Variants in ADAMTS3 observed in about 807,000 individuals in gnomAD.
ADAMTS3 encodes the protein A disintegrin and metalloproteinase with thrombospondin motifs 3.
ADAMTS3 carries 73 observed loss-of-function variants against 129.0 expected under a neutral mutation model. The ratio of observed to expected loss-of-function variants is 0.57; its 90% CI spans 0.47 to 0.69. ADAMTS3 has a LOEUF of 0.69. ADAMTS3 is among the 30% of genes least tolerant of loss of function. ADAMTS3 has a pLI of 0.00. For synonymous variants in ADAMTS3, 477 were observed against 510.8 expected, an observed-to-expected ratio of 0.93 and a Z score of 0.89; for missense variants, 1,457 against 1,514.5, an observed-to-expected ratio of 0.96 and a Z score of 0.63.
chr4:72,367,944 T>C (rs1338776131), intron 4 of ADAMTS3, among the ~76,000 whole-genome samples: 17 of 152,158 alleles, frequency 1.1e-4, no homozygotes, highest in African/African-American at 4.1e-4. Context: ...TTTTAACTCT[T>C]TGGATGTTAT....
At chr4:72,525,800 A>C (rs1578762098) in intron 3 of ADAMTS3, among the ~76,000 whole-genome samples, 1 of 152,140 alleles carries the variant, frequency 6.6e-6, no homozygotes, top group African/African-American at 2.4e-5. Flanking sequence ...ATTTGATCTA[A>C]GCTAGACTCT....
At chr4:72,568,487 G>T (rs1199135069) in intron 1 of ADAMTS3, among the ~76,000 whole-genome samples, 5 of 152,020 alleles carry the variant, frequency 3.3e-5, no homozygotes, top group Non-Finnish European at 7.4e-5. Context: ...TCCCGGAGTG[G>T]GAGTCGTAAC....
At chr4:72,502,043 T>C (rs1356197739) in intron 3 of ADAMTS3, among the ~76,000 whole-genome samples, 2 of 152,166 alleles carry the variant, frequency 1.3e-5, no homozygotes, top group African/African-American at 2.4e-5. Context: ...TTTTTGCATC[T>C]ATGTTTAACA....
chr4:72,567,769 G>T (rs996107116), intron 1 of ADAMTS3, among the ~76,000 whole-genome samples: 2 of 152,244 alleles, frequency 1.3e-5, no homozygotes, highest in African/African-American at 2.4e-5. Context: ...TCAGATTTAA[G>T]GTCAGGAATC....
chr4:72,527,809 G>A (rs1352853491), intron 3 of ADAMTS3, among the ~76,000 whole-genome samples: 2 of 152,140 alleles, frequency 1.3e-5, no homozygotes, highest in Non-Finnish European at 2.9e-5. Flanking sequence ...CCAAGAGGAA[G>A]GAAGGACAGG....
chr4:72,549,995 G>A (rs1721582310), intron 2 of ADAMTS3, among the ~76,000 whole-genome samples: 1 of 6,566 alleles, frequency 1.5e-4, no homozygotes, highest in African/African-American at 7.9e-4. Context: ...AGAAGAAGAG[G>A]AAGAGGAAGA....
intron 3 of ADAMTS3, among the ~76,000 whole-genome samples, chr4:72,425,887 T>C (rs184180606): frequency 1.3e-5 from 2 of 151,926 alleles, no homozygotes; most frequent in Non-Finnish European, 2.9e-5. Flanking sequence ...TTTCTAGTTC[T>C]AGATCCCTGA....
intron 3 of ADAMTS3, among the ~76,000 whole-genome samples, chr4:72,467,229 T>C (rs976842906): frequency 6.6e-6 from 1 of 152,074 alleles, no homozygotes; most frequent in African/African-American, 2.4e-5. Context: ...TTCAAAATTA[T>C]ACCTATTGAT....
intron 3 of ADAMTS3, among the ~76,000 whole-genome samples, chr4:72,541,799 T>A (rs1295748379): frequency 6.6e-6 from 1 of 152,198 alleles, no homozygotes; most frequent in African/African-American, 2.4e-5. Flanking sequence ...TTGTGAGGCC[T>A]CCCTAGCCAT....
At position 72,535,121 on chromosome 4, in the gene ADAMTS3, T is replaced by G. The variant is rs78683831; in HGVS notation, c.504+13357A>C. Among the ~76,000 whole-genome samples, 354 of 152,240 alleles carry G rather than the reference T, an allele frequency of 2.3e-3. 1 individual carries two copies. The highest frequency in any genetic ancestry group is 8.1e-3 in the African/African-American group (335 of 41,542). On this transcript the variant is annotated intron_variant, in intron 3 of 21. Transcript: ENST00000286657. ...CTTTCTTGTCCAGGCAGCCAGTTAATACCATTCTCAGAGCCAGGTATGCAA... is the reference window on the plus strand; with the variant it reads ...CTTTCTTGTCCAGGCAGCCAGTTAAGACCATTCTCAGAGCCAGGTATGCAA...
chr4:72,561,662 G>A (rs1169294471), intron 2 of ADAMTS3, among the ~76,000 whole-genome samples: 1 of 152,146 alleles, frequency 6.6e-6, no homozygotes, highest in African/African-American at 2.4e-5. Flanking sequence ...AAGAAAAATT[G>A]TTGGAAATGT....
At chr4:72,326,434 A>G (rs1006361002) in intron 5 of ADAMTS3, among the ~76,000 whole-genome samples, 1 of 152,102 alleles carries the variant, frequency 6.6e-6, no homozygotes, top group South Asian at 2.1e-4. Context: ...CACATGGAGT[A>G]TGATAAGAGC....
At chr4:72,287,110 GC>G (rs2109766407) in intron 21 of ADAMTS3, among the ~76,000 whole-genome samples, 1 of 152,092 alleles carries the variant, frequency 6.6e-6, no homozygotes, top group Non-Finnish European at 1.5e-5. Flanking sequence ...TGCAATTCAT[GC>G]CCTTATAAAA....
chr4:72,451,964 C>G (rs1320589393), intron 3 of ADAMTS3, among the ~76,000 whole-genome samples: 2 of 151,632 alleles, frequency 1.3e-5, no homozygotes, highest in African/African-American at 4.8e-5. Flanking sequence ...GTGGTGGACA[C>G]CTGTAATCCA....
At position 72,533,027 on chromosome 4, in the gene ADAMTS3, C is replaced by T. The variant is rs559195783; in HGVS notation, c.504+15451G>A. ...ATTTATTTTAAAAATATTTTTCTTT[C>T]TCCAATAATAAATTAACCTTAGCTG... On this transcript the variant is annotated intron_variant, in intron 3 of 21. Coordinates refer to ENST00000286657, the MANE Select transcript of ADAMTS3 (RefSeq NM_014243.3). 8.5e-5 allele frequency among the ~76,000 whole-genome samples: 13 copies of T among 152,154 alleles called. No individual in the cohort carries two copies. In the South Asian group the frequency reaches 2.5e-3, roughly 29 times the overall value.
intron 4 of ADAMTS3, among the ~76,000 whole-genome samples, chr4:72,379,315 C>T (rs1721215491): frequency 6.6e-6 from 1 of 152,094 alleles, no homozygotes; most frequent in Non-Finnish European, 1.5e-5. Context: ...TCCCCCGAGG[C>T]CACAGGGGCA....
chr4:72,512,829 T>C (rs999497866), intron 3 of ADAMTS3, among the ~76,000 whole-genome samples: 2 of 152,220 alleles, frequency 1.3e-5, no homozygotes, highest in Non-Finnish European at 2.9e-5. Flanking sequence ...CTTGAAGTTT[T>C]GTTTCCTTGG....
intron 2 of ADAMTS3, among the ~76,000 whole-genome samples, chr4:72,552,941 T>C (rs1379247164): frequency 6.6e-6 from 1 of 152,204 alleles, no homozygotes; most frequent in Non-Finnish European, 1.5e-5. Context: ...TCTACCAGCA[T>C]ATATACTTCA....
At chr4:72,472,523 T>G (rs1431939987) in intron 3 of ADAMTS3, among the ~76,000 whole-genome samples, 3 of 152,146 alleles carry the variant, frequency 2.0e-5, no homozygotes, top group African/African-American at 7.2e-5. Flanking sequence ...ATGGGCTAAT[T>G]AACCTACTAG....
Sources: allele counts gnomAD v4.1 joint callset (sites outside exome capture counted in the v4.1 genomes callset), GRCh38; gene constraint gnomAD v4.1.1; transcripts MANE v1.5; gene names NCBI Gene and HGNC (gene_info 2026-07-23, HGNC 2026-07-21).